RTN4: variants seen among roughly 807,000 people sequenced by gnomAD.
RTN4 encodes the protein reticulon 4.
RTN4 carries 32 observed loss-of-function variants against 90.4 expected under a neutral mutation model. The observed-to-expected ratio is 0.35, with a 90% CI of 0.27 to 0.48. The LOEUF is 0.48. Ranked by LOEUF, RTN4 falls within the 20% of genes least tolerant of loss-of-function variation. The pLI is 0.99. For synonymous variants in RTN4, 629 were observed against 552.5 expected (o/e 1.14, Z -1.94); for missense variants, 1,706 against 1,430.2 (o/e 1.19, Z -3.11).
intron 3 of RTN4, among the ~76,000 whole-genome samples, chr2:55,002,223 T>G (rs1471727063): frequency 6.6e-6 from 1 of 152,120 alleles, no homozygotes; most frequent in African/African-American, 2.4e-5. Flanking sequence ...CACACCAAGC[T>G]AATTTTTTAA....
At chr2:55,068,642 C>T (rs1668435094) in intron 2 of RTN4, among the ~76,000 whole-genome samples, 3 of 120,902 alleles carry the variant, frequency 2.5e-5, no homozygotes, top group Admixed American at 2.5e-4. Context: ...CTGCCAGTCG[C>T]TCTTTCAAGT....
At chr2:55,113,540 A>C (rs1246144180), upstream of RTN4, among the ~76,000 whole-genome samples, 1 of 152,084 alleles carries the variant, frequency 6.6e-6, no homozygotes, top group Non-Finnish European at 1.5e-5. Flanking sequence ...TCTGGGGGAG[A>C]AGTTGCTGCA....
chr2:55,074,941 G>A (rs1668575788), intron 2 of RTN4, among the ~76,000 whole-genome samples: 1 of 152,128 alleles, frequency 6.6e-6, no homozygotes, highest in South Asian at 2.1e-4. Context: ...GGTAGTAAAA[G>A]CCATCTATGA....
chr2:55,060,560 G>T (rs1226659331), intron 2 of RTN4: 3 of 152,216 alleles, frequency 2.0e-5, no homozygotes, highest in Non-Finnish European at 4.4e-5. Context: ...TTAAGCACTG[G>T]TTATGGAAGC....
At chr2:55,116,438 C>A (rs540971771), upstream of RTN4, among the ~76,000 whole-genome samples, 3 of 152,276 alleles carry the variant, frequency 2.0e-5, no homozygotes, top group South Asian at 4.1e-4. Flanking sequence ...GCCATGGGAT[C>A]CTGGGTAAGT....
At chr2:54,978,347 T>C (rs1017569775) in intron 5 of RTN4, among the ~76,000 whole-genome samples, 2 of 150,480 alleles carry the variant, frequency 1.3e-5, no homozygotes, top group African/African-American at 2.5e-5. Context: ...GGAGAATCAC[T>C]TGAACCTGGA....
intron 2 of RTN4, among the ~76,000 whole-genome samples, chr2:55,059,738 G>A (rs1204236852): frequency 1.3e-5 from 2 of 151,990 alleles, no homozygotes; most frequent in Admixed American, 6.5e-5. Flanking sequence ...GGAGGCTGAG[G>A]CAGGAGAATC....
At chr2:55,083,224 G>T (rs1001723801) in intron 1 of RTN4, among the ~76,000 whole-genome samples, 1 of 152,192 alleles carries the variant, frequency 6.6e-6, no homozygotes, top group African/African-American at 2.4e-5. Flanking sequence ...GGCTGGGTGT[G>T]GTGGCTCATG....
rs536684679 is a variant in RTN4, at chr2:55,044,984, G to A, written c.556+4761C>T. Among the ~76,000 whole-genome samples, 20 of 152,178 alleles carry A rather than the reference G, an allele frequency of 1.3e-4. No homozygotes were observed. The Middle Eastern group carries it at 0.01, about 78-fold the overall frequency. On this transcript the variant is annotated intron_variant, in intron 1 of 8. Transcript: ENST00000337526. ...AATGGACAGGGCATGACTTTCTTGT[G>A]TTTAGAAGCATCCACTTCCTGGGAA... is the stretch of plus-strand genomic sequence containing the variant.
At chr2:55,049,425 A>T (rs1016964244) in intron 1 of RTN4, 9 of 370,152 alleles carry the variant, frequency 2.4e-5, no homozygotes, top group African/African-American at 1.9e-4. Flanking sequence ...GCTCTCGGGT[A>T]TATACCCGGC....
chr2:55,129,667 T>G, the RTN4 span, among the ~76,000 whole-genome samples: 6 of 152,166 alleles, frequency 3.9e-5, no homozygotes, highest in Non-Finnish European at 8.8e-5. Flanking sequence ...GCTCAAGCAA[T>G]TCTCCTGCCT....
rs1055286997 is a variant in RTN4, at chr2:55,003,987, G to A, written c.3014-16289C>T. ...CTGTACATAAAAAGGGAACTTAGGGGACAACCGGAGAACAAATTTAAGAAT... is the reference window on the plus strand; with the variant it reads ...CTGTACATAAAAAGGGAACTTAGGGAACAACCGGAGAACAAATTTAAGAAT... On this transcript the variant is annotated intron_variant, in intron 3 of 8. Transcript: ENST00000337526. Among the ~76,000 whole-genome samples, 3 of 152,078 alleles carry A rather than the reference G, an allele frequency of 2.0e-5. No homozygotes were observed. In the East Asian group the frequency reaches 5.8e-4, roughly 29 times the overall value.
chr2:55,040,230 T>C (rs879670760), intron 1 of RTN4, among the ~76,000 whole-genome samples: 5 of 152,224 alleles, frequency 3.3e-5, no homozygotes, highest in Non-Finnish European at 7.3e-5. Flanking sequence ...ATTTGGTTTT[T>C]ATACAAAATT....
intron 3 of RTN4, among the ~76,000 whole-genome samples, chr2:54,996,789 C>G (rs1180767403): frequency 1.3e-5 from 2 of 152,204 alleles, no homozygotes; most frequent in East Asian, 3.8e-4. Context: ...GAGACAAGGT[C>G]TCACTCTGTC....
In RTN4 at chr2:55,026,759, A is replaced by G; in HGVS notation, c.1340T>C (p.Phe447Ser). 3 of 1,613,938 alleles carry G rather than the reference A, an allele frequency of 1.9e-6. No individual in the cohort carries two copies. Among genetic ancestry groups the G allele is most frequent in the Non-Finnish European group, 2.5e-6 (3 of 1,179,902 alleles). The change falls in exon 3 of 9, where the codon TTC (phenylalanine) becomes TCC (serine). Residue 447 changes from phenylalanine to serine, a missense_variant. Transcript: ENST00000337526. ...DSESSNDDTSFPSTPEGIKDR... is the reference protein window; with the variant it reads ...DSESSNDDTSSPSTPEGIKDR... Reference sequence around the variant, plus strand: ...CTTTATACCTTCTGGCGTACTGGGGAAAGAAGTATCATCATTACTACTCTC... The same window carrying G: ...CTTTATACCTTCTGGCGTACTGGGGGAAGAAGTATCATCATTACTACTCTC...
chr2:55,025,025 G>A, intron 3 of RTN4, 61 bp downstream of exon 3: 2 of 1,521,258 alleles, frequency 1.3e-6, no homozygotes, highest in Non-Finnish European at 8.8e-7. Context: ...AAAATGTAGT[G>A]GAATGTTCCC....
chr2:55,137,621 C>T, the RTN4 span, among the ~76,000 whole-genome samples: 1 of 152,108 alleles, frequency 6.6e-6, no homozygotes, highest in African/African-American at 2.4e-5. Flanking sequence ...AGCCTCCCCA[C>T]AGGTGCCCCC....
chr2:55,036,007 C>T (rs10189379), intron 1 of RTN4, among the ~76,000 whole-genome samples: 67,683 of 151,788 alleles, frequency 0.45, 15,637 homozygotes, highest in African/African-American at 0.56. Flanking sequence ...AAAACCCCCA[C>T]GAAGAAAACT....
chr2:54,978,207 A>G (rs1307474389), intron 5 of RTN4, among the ~76,000 whole-genome samples: 1 of 152,192 alleles, frequency 6.6e-6, no homozygotes, highest in Non-Finnish European at 1.5e-5. Context: ...AGGCAGGCAG[A>G]TCACCTGAGG....
Sources: gnomAD v4.1 joint callset for allele counts (sites outside exome capture counted in the v4.1 genomes callset) on GRCh38, gnomAD v4.1.1 for gene constraint, MANE v1.5 for transcripts, NCBI Gene and HGNC (gene_info 2026-07-23, HGNC 2026-07-21) for gene names.